The following FGF14 variants were observed in gnomAD, a reference collection of about 807,000 sequenced individuals.
FGF14 encodes fibroblast growth factor 14.
A neutral mutation model predicts 25.5 loss-of-function variants in FGF14; 5 were observed. The ratio of observed to expected loss-of-function variants is 0.20; its 90% CI spans 0.10 to 0.41. FGF14 has a LOEUF of 0.41. Among genes scored for constraint, FGF14 ranks in the 10% least tolerant of loss-of-function variants. FGF14 has a pLI of 1.00. For missense variants in FGF14, 222 were observed against 320.1 expected, an observed-to-expected ratio of 0.69 and a Z score of 2.34; for synonymous variants, 138 against 118.3, an observed-to-expected ratio of 1.17 and a Z score of -1.08.
rs1206463071 is a variant in FGF14, at chr13:101,929,563, T to TTG, written c.209-54268_209-54267insCA. On this transcript the variant is annotated intron_variant, in intron 1 of 4. Transcript: ENST00000376131. ...TATTCATGAAGAGCTATTTTCCACA[T>TTG]AGGTTTGCAGTAGACCCACTCAATT... Among the ~76,000 whole-genome samples the TTG allele has an allele frequency of 5.6e-4, 85 of 152,306 alleles. 1 individual carries two copies. The highest frequency in any genetic ancestry group is 7.9e-4 in the Non-Finnish European group (54 of 68,016).
chr13:101,833,716 G>C (rs370329304), intron 3 of FGF14, among the ~76,000 whole-genome samples: 29 of 151,956 alleles, frequency 1.9e-4, no homozygotes, highest in African/African-American at 6.5e-4. Flanking sequence ...CTTGATGTTG[G>C]CTAGTTTGCA....
At chr13:102,175,372 G>A (rs1000639201) in intron 1 of FGF14, among the ~76,000 whole-genome samples, 8 of 152,034 alleles carry the variant, frequency 5.3e-5, no homozygotes, top group Non-Finnish European at 2.9e-5. Flanking sequence ...ATGGTGCTGG[G>A]AAAACTAGCT....
At chr13:101,728,485 A>G (rs1283036390) in intron 3 of FGF14, among the ~76,000 whole-genome samples, 1 of 152,090 alleles carries the variant, frequency 6.6e-6, no homozygotes, top group Non-Finnish European at 1.5e-5. Context: ...TGTCCAGGCC[A>G]TGCGCCCGAA....
At chr13:101,762,548 A>G (rs747892918) in intron 3 of FGF14, among the ~76,000 whole-genome samples, 5 of 152,252 alleles carry the variant, frequency 3.3e-5, no homozygotes, top group East Asian at 1.9e-4. Context: ...TATAAATATA[A>G]TAACAATTCA....
At chr13:101,827,918 A>G (rs1389292848) in intron 3 of FGF14, among the ~76,000 whole-genome samples, 1 of 142,326 alleles carries the variant, frequency 7.0e-6, no homozygotes, top group Admixed American at 7.2e-5. Context: ...AAATGTGGCT[A>G]ATTTCTAAAA....
rs372214520 is a variant in FGF14 at position 102,172,046 on chromosome 13, T to C, written c.208+229425A>G. ...AGTCTCACTATGTTGCTTAGGCTGG[T>C]CTTGAACTCCTGAGCTCACGTGATC... is the stretch of plus-strand genomic sequence containing the variant. On this transcript the variant is annotated intron_variant, in intron 1 of 4. Coordinates refer to the FGF14 transcript ENST00000376131. 3.3e-5 allele frequency among the ~76,000 whole-genome samples: 5 copies of C among 151,960 alleles called. No homozygotes were observed. The East Asian group carries it at 9.7e-4, about 30-fold the overall frequency.
intron 1 of FGF14, among the ~76,000 whole-genome samples, chr13:101,889,287 C>G (rs9585802): frequency 0.4 from 60,764 of 151,952 alleles, 13,782 homozygotes; most frequent in African/African-American, 0.61. Context: ...GACAAAACCG[C>G]CTTCACTTCA....
chr13:101,808,172 T>C (rs2041304628), intron 3 of FGF14, among the ~76,000 whole-genome samples: 4 of 152,052 alleles, frequency 2.6e-5, no homozygotes, highest in Admixed American at 1.3e-4. Flanking sequence ...TAGAAACTCA[T>C]AGCTCAAGTG....
intron 1 of FGF14, among the ~76,000 whole-genome samples, chr13:102,079,126 T>C (rs2043499812): frequency 6.6e-6 from 1 of 152,156 alleles, no homozygotes; most frequent in African/African-American, 2.4e-5. Flanking sequence ...CTTAGGTAGT[T>C]AATTTTAGTG....
intron 3 of FGF14, among the ~76,000 whole-genome samples, chr13:101,829,373 C>G (rs2042561343): frequency 6.6e-6 from 1 of 151,992 alleles, no homozygotes; most frequent in Non-Finnish European, 1.5e-5. Context: ...AAAGAAGAAG[C>G]AACCATAATA....
At chr13:101,805,983 T>C (rs573284509) in intron 3 of FGF14, among the ~76,000 whole-genome samples, 139 of 152,048 alleles carry the variant, frequency 9.1e-4, no homozygotes, top group African/African-American at 3.1e-3. Flanking sequence ...TAAAAATGTA[T>C]ATACATATAC....
chr13:101,995,512 T>A (rs1406150508), intron 1 of FGF14, among the ~76,000 whole-genome samples: 1 of 152,168 alleles, frequency 6.6e-6, no homozygotes, highest in Non-Finnish European at 1.5e-5. Context: ...AATACTTAAT[T>A]CAGTTTAACA....
chr13:102,200,831 G>A (rs1299345138), intron 1 of FGF14, among the ~76,000 whole-genome samples: 1 of 151,910 alleles, frequency 6.6e-6, no homozygotes, highest in Non-Finnish European at 1.5e-5. Context: ...GCATTGAGGC[G>A]GTAGCTCATG....
At chr13:102,326,693 G>GGGAAGGAAGGAAGGAAGGAAGGAA (rs372687332) in intron 1 of FGF14, among the ~76,000 whole-genome samples, 2 of 29,388 alleles carry the variant, frequency 6.8e-5, no homozygotes, top group Non-Finnish European at 1.3e-4. Flanking sequence ...GGGAAGGGAA[G>GGGAAGGAAGGAAGGAAGGAAGGAA]GGAAGGAAGG....
At chr13:101,840,137 C>T (rs9585794) in intron 3 of FGF14, among the ~76,000 whole-genome samples, 1,968 of 151,980 alleles carry the variant, frequency 0.013, 40 homozygotes, top group African/African-American at 0.044. Context: ...GTAAAGTGGA[C>T]ACCTGATGAT....
At chr13:102,115,901 C>T (rs553637541) in intron 1 of FGF14, among the ~76,000 whole-genome samples, 79 of 152,164 alleles carry the variant, frequency 5.2e-4, no homozygotes, top group African/African-American at 1.5e-3. Context: ...CACCTGAGGC[C>T]GGGAGTTCAA....
At chr13:102,108,259 A>G (rs891784435) in intron 1 of FGF14, among the ~76,000 whole-genome samples, 9 of 152,198 alleles carry the variant, frequency 5.9e-5, no homozygotes, top group Admixed American at 5.2e-4. Context: ...CATGCCATTA[A>G]CCCTGTGTTG....
chr13:102,191,334 C>A (rs1293897366), intron 1 of FGF14, among the ~76,000 whole-genome samples: 3 of 152,198 alleles, frequency 2.0e-5, no homozygotes, highest in African/African-American at 7.2e-5. Flanking sequence ...AGAGACTGAT[C>A]ATTTGAACAA....
chr13:101,771,194 T>C (rs2038748355), intron 3 of FGF14, among the ~76,000 whole-genome samples: 1 of 152,078 alleles, frequency 6.6e-6, no homozygotes, highest in Non-Finnish European at 1.5e-5. Flanking sequence ...TTCAAGCCCC[T>C]ACAGTGTTAG....
Sources: gnomAD v4.1 joint callset for allele counts (sites outside exome capture counted in the v4.1 genomes callset) on GRCh38, gnomAD v4.1.1 for gene constraint, MANE v1.5 for transcripts, NCBI Gene and HGNC (gene_info 2026-07-23, HGNC 2026-07-21) for gene names.